SLC4A10: variants seen among roughly 807,000 people sequenced by gnomAD.
The protein encoded by SLC4A10 is sodium-driven chloride bicarbonate exchanger.
A neutral mutation model predicts 137.7 loss-of-function variants in SLC4A10; 42 were observed. The observed-to-expected ratio is 0.30, with a 90% CI of 0.24 to 0.39. The LOEUF is 0.39. Ranked by LOEUF, SLC4A10 falls within the 10% of genes least tolerant of loss-of-function variation. The pLI is 1.00. For missense variants in SLC4A10, 925 were observed against 1,355.0 expected (o/e 0.68, Z 4.98); for synonymous variants, 474 against 464.1 (o/e 1.02, Z -0.27).
rs544848276 is a variant in SLC4A10 at position 161,933,916 on chromosome 2, G to T, written c.1998-8876G>T. 8.9e-4 allele frequency among the ~76,000 whole-genome samples: 136 copies of T among 152,154 alleles called. 1 individual carries two copies. Among genetic ancestry groups the T allele is most frequent in the Non-Finnish European group, 1.7e-3 (117 of 68,004 alleles). Reference sequence around the variant, plus strand: ...GAAACTCCGTACTGTTTTCCATATGGCTGTACTAATTTATATTCCCATCAA... The same window carrying T: ...GAAACTCCGTACTGTTTTCCATATGTCTGTACTAATTTATATTCCCATCAA... On this transcript the variant is annotated intron_variant, in intron 15 of 26. Transcript: ENST00000446997.
At chr2:161,702,861 TA>T (rs985909487) in intron 1 of SLC4A10, among the ~76,000 whole-genome samples, 1 of 151,846 alleles carries the variant, frequency 6.6e-6, no homozygotes, top group African/African-American at 2.4e-5. Flanking sequence ...AAGGACGCTT[TA>T]TTTATCCTAA....
At chr2:161,627,085 T>C (rs1383546878) in intron 1 of SLC4A10, among the ~76,000 whole-genome samples, 6 of 152,190 alleles carry the variant, frequency 3.9e-5, no homozygotes, top group Admixed American at 3.9e-4. Flanking sequence ...AGTTTTGGAA[T>C]CAGTTAAATA....
At chr2:161,915,327 A>G (rs1211654633) in intron 15 of SLC4A10, among the ~76,000 whole-genome samples, 2 of 152,150 alleles carry the variant, frequency 1.3e-5, no homozygotes, top group Admixed American at 6.5e-5. Context: ...ACCATCCTTC[A>G]ATTTGTCCAT....
At chr2:161,881,882 TG>T (rs1215265358) in intron 9 of SLC4A10, among the ~76,000 whole-genome samples, 27 of 152,014 alleles carry the variant, frequency 1.8e-4, no homozygotes, top group Admixed American at 1.8e-3. Flanking sequence ...TTTTTTATAA[TG>T]AAAATTGCAC....
chr2:161,843,434 T>A (rs1208938738), intron 4 of SLC4A10, among the ~76,000 whole-genome samples: 1 of 152,198 alleles, frequency 6.6e-6, no homozygotes, highest in Non-Finnish European at 1.5e-5. Flanking sequence ...CCTATGTTTG[T>A]AGCCAAGCTT....
chr2:161,780,285 T>C (rs2052856109), intron 2 of SLC4A10, among the ~76,000 whole-genome samples: 1 of 152,018 alleles, frequency 6.6e-6, no homozygotes, highest in Non-Finnish European at 1.5e-5. Flanking sequence ...CATCACAATA[T>C]TCCTGACTCA....
At chr2:161,726,259 A>G (rs1478929886) in intron 1 of SLC4A10, among the ~76,000 whole-genome samples, 1 of 152,224 alleles carries the variant, frequency 6.6e-6, no homozygotes. Flanking sequence ...ACAAATAAGT[A>G]TTATTTTGGC....
chr2:161,812,799 T>C (rs571609597), intron 3 of SLC4A10, among the ~76,000 whole-genome samples: 219 of 152,158 alleles, frequency 1.4e-3, no homozygotes, highest in African/African-American at 5.1e-3. Context: ...ATGTCTTTGC[T>C]ATGGTGAATA....
intron 1 of SLC4A10, among the ~76,000 whole-genome samples, chr2:161,712,738 T>C (rs1183768642): frequency 1.3e-5 from 2 of 151,876 alleles, no homozygotes; most frequent in Admixed American, 1.3e-4. Context: ...ATATTTGGAT[T>C]AAATTTACAT....
intron 1 of SLC4A10, among the ~76,000 whole-genome samples, chr2:161,664,536 C>A (rs16845997): frequency 0.075 from 11,438 of 151,850 alleles, 545 homozygotes; most frequent in East Asian, 0.14. Context: ...CAGCCTATGG[C>A]ATCATTGCTA....
At chr2:161,626,733 G>T (rs2032454020) in intron 1 of SLC4A10, among the ~76,000 whole-genome samples, 1 of 152,150 alleles carries the variant, frequency 6.6e-6, no homozygotes. Context: ...ACATGTCTAA[G>T]ATCACCCAGT....
intron 12 of SLC4A10, among the ~76,000 whole-genome samples, chr2:161,903,019 A>C (rs1683472867): frequency 6.6e-6 from 1 of 152,162 alleles, no homozygotes; most frequent in South Asian, 2.1e-4. Context: ...TTTTGCTATC[A>C]CATCATTATT....
At chr2:161,639,325 T>C (rs1303057780) in intron 1 of SLC4A10, among the ~76,000 whole-genome samples, 2 of 151,766 alleles carry the variant, frequency 1.3e-5, no homozygotes, top group Admixed American at 6.6e-5. Flanking sequence ...CACAACAAAA[T>C]AAGAAAACTA....
At chr2:161,753,932 C>T (rs575645172) in intron 1 of SLC4A10, among the ~76,000 whole-genome samples, 30 of 150,934 alleles carry the variant, frequency 2.0e-4, no homozygotes, top group Admixed American at 6.0e-4. Context: ...CTCTGTTGCC[C>T]AGGCTGGAGT....
intron 10 of SLC4A10, among the ~76,000 whole-genome samples, chr2:161,883,618 A>G (rs527800227): frequency 3.3e-5 from 5 of 152,262 alleles, no homozygotes; most frequent in Admixed American, 2.0e-4. Flanking sequence ...TTTTGAGGCT[A>G]GAAGTTTGAA....
At position 161,879,298 on chromosome 2, in the gene SLC4A10, A is replaced by G; in HGVS notation, c.1106+10A>G. ...TCCCAATCCCAACCAGGTAAAAAGT[A>G]TAAAAGCGTCTTTTGTATTTTTCTT... On this transcript the variant is annotated intron_variant, in intron 9 of 26. Transcript: ENST00000446997. 6.3e-7 allele frequency: 1 copy of G among 1,595,716 alleles called. No homozygotes were observed. Among genetic ancestry groups the G allele is most frequent in the South Asian group, 1.1e-5 (1 of 87,496 alleles).
intron 1 of SLC4A10, among the ~76,000 whole-genome samples, chr2:161,732,413 A>C (rs558943375): frequency 6.6e-6 from 1 of 152,176 alleles, no homozygotes; most frequent in African/African-American, 2.4e-5. Flanking sequence ...AGAGACAAAG[A>C]CCAACTATAT....
intron 1 of SLC4A10, among the ~76,000 whole-genome samples, chr2:161,704,139 TCTAA>T (rs76305670): frequency 0.075 from 11,349 of 151,722 alleles, 512 homozygotes; most frequent in East Asian, 0.14. Context: ...TAAGATCATA[TCTAA>T]CTAACAATGA....
At chr2:161,805,338 G>A (rs1333791081) in intron 3 of SLC4A10, among the ~76,000 whole-genome samples, 1 of 151,984 alleles carries the variant, frequency 6.6e-6, no homozygotes, top group African/African-American at 2.4e-5. Flanking sequence ...TCCACCCTTG[G>A]GCCCTCCCAA....
Sources: gnomAD v4.1 joint callset for allele counts (sites outside exome capture counted in the v4.1 genomes callset) on GRCh38, gnomAD v4.1.1 for gene constraint, MANE v1.5 for transcripts, NCBI Gene and HGNC (gene_info 2026-07-23, HGNC 2026-07-21) for gene names.